Variants in DCAF15 observed in about 807,000 individuals in gnomAD.
DCAF15 encodes the protein DDB1- and CUL4-associated factor 15.
A neutral mutation model predicts 68.0 loss-of-function variants in DCAF15; 24 were observed. That is an observed-to-expected ratio of 0.35 (90% CI 0.26 to 0.50). DCAF15 has a LOEUF of 0.50. DCAF15 is among the 20% of genes least tolerant of loss of function. DCAF15 has a pLI of 0.98. For missense variants in DCAF15, 627 were observed against 830.6 expected, an observed-to-expected ratio of 0.75 and a Z score of 3.01; for synonymous variants, 376 against 341.6, an observed-to-expected ratio of 1.10 and a Z score of -1.11.
rs1425693939 is a variant in DCAF15 at position 13,959,844 on chromosome 19, C to G, written c.1389C>G (p.Thr463=). 13 of 1,598,600 alleles carry G rather than the reference C, an allele frequency of 8.1e-6. No homozygotes were observed. Among genetic ancestry groups the G allele is most frequent in the Non-Finnish European group, 9.4e-6 (11 of 1,173,042 alleles). Residue 463 remains threonine, a synonymous_variant, in exon 9 of 13, where the codon ACC becomes ACG. Coordinates refer to ENST00000254337, the MANE Select transcript of DCAF15 (RefSeq NM_138353.4). ...VINEVIRHDA[T]WGHQFCSFSD... Reference sequence around the variant, plus strand: ...ATGAGGTCATCCGCCACGACGCTACCTGGGGCCATCAGTTCTGTTCTTTCA... The same window carrying G: ...ATGAGGTCATCCGCCACGACGCTACGTGGGGCCATCAGTTCTGTTCTTTCA...
At chr19:13,956,048 C>G in intron 4 of DCAF15, 30 bp downstream of exon 4, 1 of 1,612,738 alleles carries the variant, frequency 6.2e-7, no homozygotes. Context: ...GGAGCCTTGG[C>G]TGGTTGGGGC....
At position 13,957,974 on chromosome 19, in the gene DCAF15, G is replaced by A. The variant is rs111625527; in HGVS notation, c.785-1071G>A. The stretch of plus-strand genomic sequence containing the variant: ...GGAAATGGTTGTCCCTGGGGCGGTC[G>A]GGGAATGGGCAGGATTAAATGTATA... On this transcript the variant is annotated intron_variant, in intron 6 of 12. Coordinates refer to ENST00000254337, the MANE Select transcript of DCAF15 (RefSeq NM_138353.4). Among the ~76,000 whole-genome samples the A allele has an allele frequency of 8.8e-3, 1,339 of 152,244 alleles. 21 individuals carry two copies. Among genetic ancestry groups the A allele is most frequent in the African/African-American group, 0.028 (1,171 of 41,522 alleles).
At position 13,956,030 on chromosome 19, in the gene DCAF15, C is replaced by T; in HGVS notation, c.473+12C>T. ...GTCTTCGGCTTCAAGTGAGACCAGG[C>T]GCCTGGGGGAGCCTTGGCTGGTTGG... On this transcript the variant is annotated intron_variant, in intron 4 of 12. Transcript: ENST00000254337. 3 of 1,613,382 alleles carry T rather than the reference C, an allele frequency of 1.9e-6. No individual in the cohort carries two copies. The highest frequency in any genetic ancestry group is 1.1e-5 in the South Asian group (1 of 91,074).
chr19:13,952,606 C>T lies in DCAF15; in HGVS notation c.94C>T (p.Arg32Trp). The change falls in exon 1 of 13, where the codon CGG becomes TGG. Residue 32 changes from arginine to tryptophan, a missense_variant. Coordinates refer to ENST00000254337, the MANE Select transcript of DCAF15 (RefSeq NM_138353.4). Reference protein sequence around the residue: ...GAGGKRAAGRRREHVLKQLER... With the variant: ...GAGGKRAAGRWREHVLKQLER... ...CGGAGGGAAGCGGGCAGCAGGGCGG[C>T]GGCGGGAGCACGTCCTCAAGCAGCT... 1.6e-6 allele frequency: 2 copies of T among 1,262,568 alleles called. No individual in the cohort carries two copies. Among genetic ancestry groups the T allele is most frequent in the Non-Finnish European group, 1.0e-6 (1 of 1,001,062 alleles). The allele number at this position is 1,262,568 out of a possible 1,614,324, so 78.2% of individuals were successfully genotyped here.
At chr19:13,954,272 T>A in intron 1 of DCAF15, 68 bp from the exon 2 acceptor site, 1 of 1,402,616 alleles carries the variant, frequency 7.1e-7, no homozygotes, top group Admixed American at 1.7e-5. Flanking sequence ...GCTCTGCCTC[T>A]CTGCCGTGGG....
intron 12 of DCAF15, 91 bp downstream of exon 12, chr19:13,960,671 G>A: frequency 7.6e-7 from 1 of 1,319,528 alleles, no homozygotes; most frequent in East Asian, 2.5e-5. Context: ...GAAATGGGTG[G>A]GAAGGCTGGT....
At chr19:13,956,056 G>GGCAGGGGGTGT (rs776844934) in intron 4 of DCAF15, 38 bp downstream of exon 4, 12 of 1,612,494 alleles carry the variant, frequency 7.4e-6, no homozygotes, top group Non-Finnish European at 1.0e-5. Context: ...GGCTGGTTGG[G>GGCAGGGGGTGT]GCAGGGGGTG....
In DCAF15 at chr19:13,960,283, G is replaced by A. The variant is rs140301367; in HGVS notation, c.1527-4G>A. On this transcript the variant is annotated splice_region_variant and splice_polypyrimidine_tract_variant and intron_variant, in intron 10 of 12. Transcript: ENST00000254337. ...CGTTTGTCCTATGTCCCTCTCCACT[G>A]TAGACCAAAGACCTATCACACCAGC... 385 of 1,613,626 alleles carry A rather than the reference G, an allele frequency of 2.4e-4. 4 individuals are homozygous for A. In the East Asian group the frequency reaches 5.8e-3, roughly 24 times the overall value.
chr19:13,957,023 T>C (rs1368488121), intron 6 of DCAF15, among the ~76,000 whole-genome samples: 1 of 152,210 alleles, frequency 6.6e-6, no homozygotes, highest in African/African-American at 2.4e-5. Flanking sequence ...CCCAAAGTGT[T>C]GGGATGACAG....
chr19:13,956,570 C>T (rs760099976), intron 6 of DCAF15, 48 bp downstream of exon 6: 137 of 1,593,906 alleles, frequency 8.6e-5, no homozygotes, highest in Non-Finnish European at 1.1e-4. Flanking sequence ...GAAGCGGGTC[C>T]TCTCCCTACC....
At position 13,959,842 on chromosome 19, in the gene DCAF15, A is replaced by G; in HGVS notation, c.1387A>G (p.Thr463Ala). 3 of 1,524,286 alleles carry G rather than the reference A, an allele frequency of 2.0e-6. No homozygotes were observed. The highest frequency in any genetic ancestry group is 1.8e-5 in the Admixed American group (1 of 56,742). The allele number at this position is 1,524,286 out of a possible 1,614,324, so 94.4% of individuals were successfully genotyped here. The change falls in exon 9 of 13, where the codon ACC becomes GCC. Residue 463 changes from threonine (T) to alanine (A), a missense_variant. Physicochemically the swap from Thr to Ala is moderately conservative, Grantham distance 58. Coordinates refer to ENST00000254337, the MANE Select transcript of DCAF15 (RefSeq NM_138353.4). ...CAATGAGGTCATCCGCCACGACGCT[A>G]CCTGGGGCCATCAGTTCTGTTCTTT... ...VINEVIRHDA[T>A]WGHQFCSFSD...
rs998409248 is a variant in DCAF15, at chr19:13,961,271, T to G, written c.*276T>G. 28 of 540,320 alleles carry G rather than the reference T, an allele frequency of 5.2e-5. 1 individual carries two copies. The highest frequency in any genetic ancestry group is 7.3e-5 in the Non-Finnish European group (22 of 299,604). 33.5% of individuals were successfully genotyped at this position (540,320 alleles called of 1,614,324 possible). A position where few individuals can be genotyped will look rare whatever the true frequency, so the allele number is the denominator to read the frequency against. Reference sequence around the variant, plus strand: ...CTTCACCCCGAGCTGGGCATGGGCCTGGCCCCTCGTGCATTTGCCCTTTTC... The same window carrying G: ...CTTCACCCCGAGCTGGGCATGGGCCGGGCCCCTCGTGCATTTGCCCTTTTC... On this transcript the variant is annotated 3_prime_UTR_variant, in exon 13 of 13. Transcript: ENST00000254337.
At chr19:13,958,781 C>CA (rs1973467775) in intron 6 of DCAF15, among the ~76,000 whole-genome samples, 1 of 152,154 alleles carries the variant, frequency 6.6e-6, no homozygotes, top group Non-Finnish European at 1.5e-5. Context: ...AGGGTTCTGT[C>CA]TGTCTGGTTC....
intron 5 of DCAF15, 43 bp from the exon 6 acceptor site, chr19:13,956,309 G>A (rs1238011145): frequency 1.2e-6 from 2 of 1,611,882 alleles, no homozygotes; most frequent in Admixed American, 1.7e-5. Context: ...TCCCCCCCTT[G>A]CTCCGGGCCG....
In DCAF15 at chr19:13,956,404, C is replaced by T. The variant is rs374310264; in HGVS notation, c.666C>T (p.Tyr222=). ...LRHGFMLHTK[Y]QVVYPFPTFQ... ...ATGGCTTCATGCTGCACACCAAGTACCAGGTGGTCTACCCCTTCCCCACCT... is the reference window on the plus strand; with the variant it reads ...ATGGCTTCATGCTGCACACCAAGTATCAGGTGGTCTACCCCTTCCCCACCT... The change falls in exon 6 of 13, where the codon TAC becomes TAT. Residue 222 remains tyrosine, a synonymous_variant. Transcript: ENST00000254337. The T allele has an allele frequency of 5.6e-6, 9 of 1,613,742 alleles. No homozygotes were observed. In the African/African-American group the frequency reaches 1.1e-4, roughly 19 times the overall value.
chr19:13,953,588 A>AG (rs879264628), intron 1 of DCAF15, among the ~76,000 whole-genome samples: 23 of 152,334 alleles, frequency 1.5e-4, no homozygotes, highest in South Asian at 1.2e-3. Context: ...CCATGTGGAC[A>AG]GGGCTGTCTC....
rs140386904 is a variant in DCAF15 at position 13,960,537 on chromosome 19, C to T, written c.1704C>T (p.Ser568=). ...MVMKWLVPES[S]GRYVNRMTNE... ...TGAAGTGGCTGGTGCCGGAGAGCAG[C>T]GGCCGCTACGTCAACAGGATGACCA... The change falls in exon 12 of 13, where the codon AGC becomes AGT. Residue 568 remains serine, a synonymous_variant. Coordinates refer to ENST00000254337, the MANE Select transcript of DCAF15 (RefSeq NM_138353.4). The T allele has an allele frequency of 1.8e-5, 29 of 1,601,508 alleles. No individual in the cohort carries two copies. The highest frequency in any genetic ancestry group is 3.5e-5 in the Admixed American group (2 of 57,278).
chr19:13,957,620 G>A (rs563531100), intron 6 of DCAF15, among the ~76,000 whole-genome samples: 1 of 152,146 alleles, frequency 6.6e-6, no homozygotes, highest in African/African-American at 2.4e-5. Context: ...TTAAAAAGAC[G>A]ATTTAGGCCA....
At chr19:13,958,220 A>G (rs1159292439) in intron 6 of DCAF15, among the ~76,000 whole-genome samples, 5 of 152,110 alleles carry the variant, frequency 3.3e-5, no homozygotes, top group Non-Finnish European at 7.4e-5. Context: ...ACAGCGGACT[A>G]TCAGCTCTGT....
Sources: gnomAD v4.1 joint callset for allele counts (sites outside exome capture counted in the v4.1 genomes callset) on GRCh38, gnomAD v4.1.1 for gene constraint, MANE v1.5 for transcripts, NCBI Gene and HGNC (gene_info 2026-07-23, HGNC 2026-07-21) for gene names.